YWHAE: variants seen among roughly 807,000 people sequenced by gnomAD.
YWHAE encodes 14-3-3 protein epsilon.
Under a neutral mutation model 30.1 loss-of-function variants are expected in YWHAE, and 4 were observed. The ratio of observed to expected loss-of-function variants is 0.13; its 90% CI spans 0.07 to 0.30. The LOEUF is 0.30. YWHAE is among the 10% of genes least tolerant of loss of function. YWHAE has a pLI of 1.00. For missense variants in YWHAE, 121 were observed against 315.9 expected, an observed-to-expected ratio of 0.38 and a Z score of 4.68; for synonymous variants, 118 against 111.8, an observed-to-expected ratio of 1.06 and a Z score of -0.35.
chr17:1,392,323 C>A (rs755863686), intron 1 of YWHAE, among the ~76,000 whole-genome samples: 1 of 152,110 alleles, frequency 6.6e-6, no homozygotes, highest in Non-Finnish European at 1.5e-5. Flanking sequence ...TGCAGTGAAT[C>A]GTTACTGCAT....
Position 1,366,928 on chromosome 17 carries a change from T to G in YWHAE, c.65-1870A>C, listed in dbSNP as rs1171949092. Among the ~76,000 whole-genome samples, 3 of 151,792 alleles carry G rather than the reference T, an allele frequency of 2.0e-5. No homozygotes were observed. In the South Asian group the frequency reaches 6.2e-4, roughly 32 times the overall value. ...CTGCATTCCAGCCTGGGTGACAGAG[T>G]GAGACTCCGTTTCAAAAAAAAACAC... On this transcript the variant is annotated intron_variant, in intron 1 of 5. Transcript: ENST00000264335.
intron 1 of YWHAE, among the ~76,000 whole-genome samples, chr17:1,368,869 A>G (rs2072987034): frequency 6.6e-6 from 1 of 152,246 alleles, no homozygotes; most frequent in African/African-American, 2.4e-5. Context: ...TTAAGGCTTT[A>G]CAATATTACA....
At chr17:1,359,973 A>T in intron 4 of YWHAE, among the ~76,000 whole-genome samples, 1 of 141,324 alleles carries the variant, frequency 7.1e-6, no homozygotes, top group East Asian at 2.1e-4. Flanking sequence ...AGAGAGAGAG[A>T]GAGATTTGAA....
At position 1,349,653 on chromosome 17, in the gene YWHAE, G is replaced by A. The variant is rs191676066; in HGVS notation, c.716-4154C>T. The stretch of plus-strand genomic sequence containing the variant: ...TTTTGAGACGGAGTCTTGCTCTGTC[G>A]CCCAGGCTGGAGTGCAGTGGTGCTA... On this transcript the variant is annotated intron_variant, in intron 5 of 5. Coordinates refer to ENST00000264335, the MANE Select transcript of YWHAE (RefSeq NM_006761.5). Among the ~76,000 whole-genome samples the A allele has an allele frequency of 1.2e-3, 178 of 149,560 alleles. 1 individual carries two copies. Among genetic ancestry groups the A allele is most frequent in the African/African-American group, 4.2e-3 (169 of 40,580 alleles).
intron 5 of YWHAE, among the ~76,000 whole-genome samples, chr17:1,351,490 T>C (rs1165417946): frequency 6.6e-6 from 1 of 151,768 alleles, no homozygotes; most frequent in Non-Finnish European, 1.5e-5. Flanking sequence ...GGTGTATCAT[T>C]TCCTGAAGTC....
At chr17:1,359,687 G>A (rs1022737971) in intron 4 of YWHAE, among the ~76,000 whole-genome samples, 2 of 151,852 alleles carry the variant, frequency 1.3e-5, no homozygotes, top group African/African-American at 4.8e-5. Context: ...CTAGCAGCTA[G>A]GGAGAGGGGA....
intron 1 of YWHAE, among the ~76,000 whole-genome samples, chr17:1,388,414 G>C (rs1234254074): frequency 6.6e-6 from 1 of 151,738 alleles, no homozygotes; most frequent in Admixed American, 6.6e-5. Context: ...TACTCCGGAG[G>C]CTGAGGCAGG....
chr17:1,398,305 C>T (rs1174202890), intron 1 of YWHAE, among the ~76,000 whole-genome samples: 1 of 148,862 alleles, frequency 6.7e-6, no homozygotes, highest in Non-Finnish European at 1.5e-5. Context: ...AAAGACAAAG[C>T]AGACCTTGAG....
Position 1,372,989 on chromosome 17 carries a change from C to T in YWHAE, c.65-7931G>A, listed in dbSNP as rs905309675. Among the ~76,000 whole-genome samples the T allele has an allele frequency of 4.6e-5, 7 of 152,100 alleles. No individual in the cohort carries two copies. The South Asian group carries it at 8.3e-4, about 18-fold the overall frequency. On this transcript the variant is annotated intron_variant, in intron 1 of 5. Transcript: ENST00000264335. ...CAGGCATGGTGGCTCACGCAGTAAT[C>T]CCAGCACTTTGGGAGGCCAAGGCGG...
intron 1 of YWHAE, among the ~76,000 whole-genome samples, chr17:1,388,243 G>A (rs1255101345): frequency 2.0e-5 from 3 of 148,828 alleles, no homozygotes; most frequent in Admixed American, 6.7e-5. Context: ...TTGGCCAGGC[G>A]CTGTGGCTCA....
rs2072865872 is a variant in YWHAE at position 1,361,596 on chromosome 17, A to C, written c.372-298T>G. The C allele has an allele frequency of 3.3e-5, 14 of 427,916 alleles. No individual in the cohort carries two copies. The East Asian group carries it at 5.4e-4, about 16-fold the overall frequency. The allele number at this position is 427,916 out of a possible 1,614,324, so 26.5% of individuals were successfully genotyped here. ...CAGAATTAAACAAGCAAGTGGTTCCAAGGAATGGCATGACAGTTTATTAAT... is the reference window on the plus strand; with the variant it reads ...CAGAATTAAACAAGCAAGTGGTTCCCAGGAATGGCATGACAGTTTATTAAT... On this transcript the variant is annotated intron_variant, in intron 3 of 5. Transcript: ENST00000264335.
intron 4 of YWHAE, among the ~76,000 whole-genome samples, chr17:1,355,148 A>AAAAT (rs1555639303): frequency 2.6e-5 from 2 of 76,798 alleles, no homozygotes; most frequent in Admixed American, 1.8e-4. Flanking sequence ...AAAAAAAAAA[A>AAAAT]TTTTTTTTTT....
chr17:1,349,734 TC>T (rs2072590488), intron 5 of YWHAE, among the ~76,000 whole-genome samples: 1 of 151,674 alleles, frequency 6.6e-6, no homozygotes, highest in Admixed American at 6.6e-5. Flanking sequence ...TGCCTCAGCC[TC>T]CCAAGTAAAT....
chr17:1,399,838 T>G, intron 1 of YWHAE: 1 of 488,226 alleles, frequency 2.0e-6, no homozygotes, highest in Non-Finnish European at 3.6e-6. Flanking sequence ...CCGCGAGTTG[T>G]TTGCAGTTAA....
intron 2 of YWHAE, among the ~76,000 whole-genome samples, chr17:1,364,579 G>A (rs1330527063): frequency 1.3e-5 from 2 of 152,040 alleles, no homozygotes; most frequent in Non-Finnish European, 2.9e-5. Flanking sequence ...AAATACAATA[G>A]TTCCCCCTTA....
chr17:1,393,186 TACAA>T (rs141812605), intron 1 of YWHAE, among the ~76,000 whole-genome samples: 2,285 of 149,242 alleles, frequency 0.015, 53 homozygotes, highest in African/African-American at 0.054. Flanking sequence ...TTTAAAAACA[TACAA>T]ACAAACAAAA....
At chr17:1,386,497 G>A (rs574759028) in intron 1 of YWHAE, among the ~76,000 whole-genome samples, 1 of 152,278 alleles carries the variant, frequency 6.6e-6, no homozygotes, top group East Asian at 1.9e-4. Context: ...GTACATAGTC[G>A]GCATTCAGTA....
chr17:1,393,558 T>C (rs933956357), intron 1 of YWHAE, among the ~76,000 whole-genome samples: 5 of 152,134 alleles, frequency 3.3e-5, no homozygotes, highest in Admixed American at 3.3e-4. Flanking sequence ...GCCTCCTCAG[T>C]AGCTGGGACT....
intron 4 of YWHAE, among the ~76,000 whole-genome samples, chr17:1,358,895 G>A (rs1003524954): frequency 3.3e-5 from 5 of 150,586 alleles, no homozygotes; most frequent in Non-Finnish European, 7.4e-5. Context: ...AGAACTTTGG[G>A]AGGCCGAGGC....
Sources: gnomAD v4.1 joint callset for allele counts (sites outside exome capture counted in the v4.1 genomes callset) on GRCh38, gnomAD v4.1.1 for gene constraint, MANE v1.5 for transcripts, NCBI Gene and HGNC (gene_info 2026-07-23, HGNC 2026-07-21) for gene names.